The following CELF4 variants were observed in gnomAD, a reference collection of about 807,000 sequenced individuals.
The protein encoded by CELF4 is CUG-BP- and ETR-3-like factor 4.
Under a neutral mutation model 59.9 loss-of-function variants are expected in CELF4, and 18 were observed. The ratio of observed to expected loss-of-function variants is 0.30; its 90% confidence interval spans 0.21 to 0.45. CELF4 has a LOEUF of 0.45. CELF4 is among the 20% of genes least tolerant of loss of function. The pLI is 1.00. For synonymous variants in CELF4, 261 were observed against 267.1 expected (o/e 0.98, Z 0.22); for missense variants, 456 against 689.0 (o/e 0.66, Z 3.79).
Position 37,547,108 on chromosome 18 carries a change from C to T in CELF4, c.286+18248G>A, listed in dbSNP as rs573001861. ...AAACCATAGGTTTCCTGTTCCCTGG[C>T]GAACTCCTTACAACAATTAACCCTT... On this transcript the variant is annotated intron_variant, in intron 1 of 12. Coordinates refer to ENST00000420428, the MANE Select transcript of CELF4 (RefSeq NM_020180.4). Among the ~76,000 whole-genome samples, 24 of 151,704 alleles carry T rather than the reference C, an allele frequency of 1.6e-4. No individual in the cohort carries two copies. The South Asian group carries it at 3.4e-3, about 21-fold the overall frequency.
At chr18:37,515,050 C>T (rs532179389) in intron 1 of CELF4, among the ~76,000 whole-genome samples, 16 of 152,276 alleles carry the variant, frequency 1.1e-4, no homozygotes, top group Non-Finnish European at 1.6e-4. Flanking sequence ...TTGGAAGAAG[C>T]GGGCTCTCCA....
At chr18:37,462,786 T>C (rs1041482841) in intron 2 of CELF4, among the ~76,000 whole-genome samples, 7 of 147,938 alleles carry the variant, frequency 4.7e-5, no homozygotes, top group Admixed American at 2.0e-4. Context: ...TCTTAAAACA[T>C]TATGAGGTTT....
intron 3 of CELF4, among the ~76,000 whole-genome samples, chr18:37,282,260 C>T (rs2094236585): frequency 6.6e-6 from 1 of 151,980 alleles, no homozygotes; most frequent in Non-Finnish European, 1.5e-5. Context: ...TCAAACTGAG[C>T]AAAGTTGTGC....
At chr18:37,437,133 G>A (rs1406922382) in intron 2 of CELF4, among the ~76,000 whole-genome samples, 1 of 152,178 alleles carries the variant, frequency 6.6e-6, no homozygotes, top group African/African-American at 2.4e-5. Flanking sequence ...TGGGTGGCAG[G>A]TGGCTACAAG....
intron 2 of CELF4, among the ~76,000 whole-genome samples, chr18:37,458,175 T>C (rs1231557895): frequency 1.3e-5 from 2 of 152,246 alleles, no homozygotes; most frequent in African/African-American, 2.4e-5. Flanking sequence ...GGCAGCATTC[T>C]GTGCTGGTGG....
intron 1 of CELF4, among the ~76,000 whole-genome samples, chr18:37,488,908 G>A (rs992841775): frequency 9.2e-5 from 14 of 152,192 alleles, no homozygotes; most frequent in African/African-American, 2.4e-4. Context: ...CCACCCCAGC[G>A]TCCTCATCTG....
chr18:37,302,745 A>C (rs2096142143), intron 3 of CELF4, among the ~76,000 whole-genome samples: 1 of 152,216 alleles, frequency 6.6e-6, no homozygotes, highest in Non-Finnish European at 1.5e-5. Flanking sequence ...GTGTTCTGAA[A>C]GTCAGACTTT....
At position 37,500,823 on chromosome 18, in the gene CELF4, C is replaced by T. The variant is rs563322172; in HGVS notation, c.287-15216G>A. 3.3e-5 allele frequency among the ~76,000 whole-genome samples: 5 copies of T among 152,260 alleles called. No individual in the cohort carries two copies. The East Asian group carries it at 7.7e-4, about 24-fold the overall frequency. ...TGCTGGGATTACAGGTGTGAGCCAC[C>T]ACACCTGGTCATTTTCTTTAGAACC... is the stretch of plus-strand genomic sequence containing the variant. On this transcript the variant is annotated intron_variant, in intron 1 of 12. Coordinates refer to ENST00000420428, the MANE Select transcript of CELF4 (RefSeq NM_020180.4).
At chr18:37,464,144 G>A (rs11662728) in intron 2 of CELF4, among the ~76,000 whole-genome samples, 2,050 of 152,304 alleles carry the variant, frequency 0.013, 38 homozygotes, top group South Asian at 0.072. Context: ...CTAAATTAGC[G>A]GTGCATAATT....
chr18:37,352,040 A>C (rs148346925), intron 2 of CELF4, among the ~76,000 whole-genome samples: 1 of 152,174 alleles, frequency 6.6e-6, no homozygotes, highest in African/African-American at 2.4e-5. Flanking sequence ...GGGTCTCTAA[A>C]TGTTTGGTCC....
chr18:37,557,366 T>G (rs2154606130), intron 1 of CELF4, among the ~76,000 whole-genome samples: 1 of 152,384 alleles, frequency 6.6e-6, no homozygotes, highest in East Asian at 1.9e-4. Context: ...TGCAGCACCC[T>G]GCCCTCGGTG....
chr18:37,376,138 C>T (rs1477975216), intron 2 of CELF4, among the ~76,000 whole-genome samples: 1 of 152,122 alleles, frequency 6.6e-6, no homozygotes, highest in African/African-American at 2.4e-5. Flanking sequence ...AGGCTGCCTT[C>T]ACCTTCTTTC....
intron 2 of CELF4, among the ~76,000 whole-genome samples, chr18:37,364,260 T>C (rs1188370644): frequency 6.6e-6 from 1 of 152,208 alleles, no homozygotes; most frequent in South Asian, 2.1e-4. Flanking sequence ...TACCACCAGC[T>C]TCTTTACAGA....
intron 1 of CELF4, among the ~76,000 whole-genome samples, chr18:37,552,330 C>T (rs2099983466): frequency 6.6e-6 from 1 of 152,218 alleles, no homozygotes; most frequent in South Asian, 2.1e-4. Flanking sequence ...CCTGTCAGAC[C>T]CTGGGGCTTT....
chr18:37,293,454 T>G (rs2095465033), intron 3 of CELF4, among the ~76,000 whole-genome samples: 1 of 152,206 alleles, frequency 6.6e-6, no homozygotes, highest in Admixed American at 6.5e-5. Context: ...TTTCCTCTTC[T>G]AAGGATGCCA....
At chr18:37,447,748 T>A (rs1423815140) in intron 2 of CELF4, among the ~76,000 whole-genome samples, 1 of 152,210 alleles carries the variant, frequency 6.6e-6, no homozygotes, top group Non-Finnish European at 1.5e-5. Context: ...TGCCCTGGTG[T>A]TCGGGTTTGG....
At chr18:37,357,730 A>G (rs2098621682) in intron 2 of CELF4, among the ~76,000 whole-genome samples, 1 of 152,222 alleles carries the variant, frequency 6.6e-6, no homozygotes, top group African/African-American at 2.4e-5. Context: ...CTGCAAAGCC[A>G]CAGGGGTGGA....
At chr18:37,270,730 T>C (rs1405097526) in intron 8 of CELF4, 38 bp downstream of exon 8, 1 of 1,612,214 alleles carries the variant, frequency 6.2e-7, no homozygotes, top group South Asian at 1.1e-5. Context: ...ATAAAGAATG[T>C]GCTGCATACG....
At chr18:37,494,065 C>A (rs1021731087) in intron 1 of CELF4, among the ~76,000 whole-genome samples, 2 of 152,168 alleles carry the variant, frequency 1.3e-5, no homozygotes, top group Non-Finnish European at 2.9e-5. Flanking sequence ...TCTTGCTGAG[C>A]TCAGGGCAGC....
Sources: gnomAD v4.1 joint callset for allele counts (sites outside exome capture counted in the v4.1 genomes callset) on GRCh38, gnomAD v4.1.1 for gene constraint, MANE v1.5 for transcripts, NCBI Gene and HGNC (gene_info 2026-07-23, HGNC 2026-07-21) for gene names.